SLC12A5: variants seen among roughly 807,000 people sequenced by gnomAD.
SLC12A5 encodes the protein solute carrier family 12 member 5, also known as K-Cl cotransporter 2.
In SLC12A5, 18 loss-of-function variants were observed where a neutral mutation model predicts 124.0. That is an observed-to-expected ratio of 0.15 (90% confidence interval 0.10 to 0.22). The LOEUF is 0.22. Among genes scored for constraint, SLC12A5 ranks in the 10% least tolerant of loss-of-function variants. SLC12A5 has a pLI of 1.00. For synonymous variants in SLC12A5, 589 were observed against 568.0 expected (o/e 1.04, Z -0.53); for missense variants, 867 against 1,478.7 (o/e 0.59, Z 6.78).
At chr20:46,029,917 CGT>C (rs34618340) in intron 1 of SLC12A5, among the ~76,000 whole-genome samples, 90,366 of 143,534 alleles carry the variant, frequency 0.63, 30,296 homozygotes, top group Non-Finnish European at 0.78. Context: ...TGTGTGTGTG[CGT>C]GTGTGTGTGT....
Position 46,056,492 on chromosome 20 carries a change from C to T in SLC12A5, c.3038C>T (p.Ser1013Leu), listed in dbSNP as rs1340688751. 1.2e-6 allele frequency: 2 copies of T among 1,614,114 alleles called. No homozygotes were observed. Among genetic ancestry groups the T allele is most frequent in the Admixed American group, 1.7e-5 (1 of 60,022 alleles). ...KVHLTWTKDK[S>L]VAEKNKGPSP... ...CATCTCACCTGGACCAAGGACAAGT[C>T]GGTGGCAGAGAAGAATAAGGGCCCC... is the stretch of plus-strand genomic sequence containing the variant. The change falls in exon 23 of 26, where the codon TCG becomes TTG. Residue 1013 changes from serine to leucine, a missense_variant. Coordinates refer to ENST00000243964, the MANE Select transcript of SLC12A5 (RefSeq NM_020708.5). This position sits in a 1 kb window ranked among gnomAD's most constrained non-coding sequence, Gnocchi z 4.3.
chr20:46,035,497 G>A lies in SLC12A5; in HGVS notation c.241G>A (p.Ala81Thr). 6.2e-7 allele frequency: 1 copy of A among 1,613,348 alleles called. No individual in the cohort carries two copies. Among genetic ancestry groups the A allele is most frequent in the Non-Finnish European group, 8.5e-7 (1 of 1,179,738 alleles). The change falls in exon 3 of 26, where the codon GCA becomes ACA. Residue 81 changes from alanine (A) to threonine (T), a missense_variant. Physicochemically the swap from Ala to Thr is moderately conservative, Grantham distance 58. Transcript: ENST00000243964. ...CCAGGGAAGTAGGGAGCATGAAGAG[G>A]CAGAAAACAATGAGGGTGGAAAAAA... ...LPQGSREHEE[A>T]ENNEGGKKKP...
At position 46,043,644 on chromosome 20, in the gene SLC12A5, G is replaced by A. The variant is rs2084568100; in HGVS notation, c.1249G>A (p.Gly417Ser). The change falls in exon 10 of 26, where the codon GGT becomes AGT. Residue 417 changes from glycine (G) to serine (S), a missense_variant. By Grantham distance (56) the Gly-to-Ser change is moderately conservative (BLOSUM62 0). Around this residue, in one of 9 missense-constraint regions of SLC12A5, gnomAD observed 152 missense variants for 358.7 expected, o/e 0.42. Transcript: ENST00000243964. ...YFPSVTGIMA[G>S]SNRSGDLRDA... is the part of the protein sequence containing the mutation. ...CTTCTGTTTTGCAGGGATCATGGCTGGTTCTAACCGCTCTGGGGACCTGAG... is the reference window on the plus strand; with the variant it reads ...CTTCTGTTTTGCAGGGATCATGGCTAGTTCTAACCGCTCTGGGGACCTGAG... 1 of 1,614,024 alleles carries A rather than the reference G, an allele frequency of 6.2e-7. No individual in the cohort carries two copies. Among genetic ancestry groups the A allele is most frequent in the African/African-American group, 1.3e-5 (1 of 74,908 alleles).
intron 20 of SLC12A5, 115 bp from the exon 21 acceptor site, chr20:46,054,801 C>T: frequency 1.4e-6 from 1 of 700,510 alleles, no homozygotes. Flanking sequence ...CCCTAGGCTG[C>T]CAGAAGGACG....
intron 7 of SLC12A5, chr20:46,041,086 G>A (rs1345659963): frequency 2.2e-6 from 1 of 449,712 alleles, no homozygotes; most frequent in African/African-American, 2.0e-5. Context: ...CGCTGTCCAC[G>A]GTGCTGAAAC....
intron 1 of SLC12A5, among the ~76,000 whole-genome samples, chr20:46,031,151 C>T (rs1411238824): frequency 1.3e-5 from 2 of 152,214 alleles, no homozygotes; most frequent in Non-Finnish European, 2.9e-5. Flanking sequence ...GCCAAGGTTT[C>T]ACCAGGCCTT....
At chr20:46,052,839 A>G (rs2084657512) in intron 18 of SLC12A5, 118 bp from the exon 19 acceptor site, 3 of 1,154,852 alleles carry the variant, frequency 2.6e-6, no homozygotes, top group East Asian at 5.2e-5. Context: ...GCCCATGGCC[A>G]AGGCCAGTTG....
rs2084610634 is a variant in SLC12A5, at chr20:46,047,924, T to A, written c.1908-57T>A. 7.3e-6 allele frequency: 11 copies of A among 1,500,820 alleles called. No homozygotes were observed. The South Asian group carries it at 9.8e-5, about 13-fold the overall frequency. 93.0% of individuals were successfully genotyped at this position (1,500,820 alleles called of 1,614,324 possible). On this transcript the variant is annotated intron_variant, in intron 15 of 25. Coordinates refer to ENST00000243964, the MANE Select transcript of SLC12A5 (RefSeq NM_020708.5). ...GGGGTAGCTGGTGCAGTGTAGATGG[T>A]TCTCCCTGCCCCCTCCTGGCTTTCT... is the stretch of plus-strand genomic sequence containing the variant.
Position 46,060,055 on chromosome 20 carries a change from G to C in SLC12A5, c.*2450G>C, listed in dbSNP as rs943034368. The C allele has an allele frequency of 6.2e-6, 1 of 160,332 alleles. No homozygotes were observed. Among genetic ancestry groups the C allele is most frequent in the African/African-American group, 2.4e-5 (1 of 41,792 alleles). 9.9% of individuals were successfully genotyped at this position (160,332 alleles called of 1,614,324 possible). ...AGGGTTGGTTCTTTCCTTTATTGTT[G>C]AATGCTCCCATTTAATGCTTTATGG... is the stretch of plus-strand genomic sequence containing the variant. On this transcript the variant is annotated 3_prime_UTR_variant, in exon 26 of 26. Transcript: ENST00000243964.
Position 46,043,214 on chromosome 20 carries a change from G to A in SLC12A5, c.1128G>A (p.Ser376=), listed in dbSNP as rs6073997. Residue 376 remains serine (S), a synonymous_variant, in exon 9 of 26, where the codon TCG becomes TCA. Coordinates refer to ENST00000243964, the MANE Select transcript of SLC12A5 (RefSeq NM_020708.5). ...GVIVERSGMT[S]VGLADGTPID... Reference sequence around the variant, plus strand: ...TTGTGGAGAGGAGTGGGATGACCTCGGTGGGCCTGGCCGATGGCACTCCTA... The same window carrying A: ...TTGTGGAGAGGAGTGGGATGACCTCAGTGGGCCTGGCCGATGGCACTCCTA... 6.9e-5 allele frequency: 111 copies of A among 1,613,816 alleles called. 1 individual carries two copies. Among genetic ancestry groups the A allele is most frequent in the South Asian group, 3.3e-4 (30 of 91,062 alleles).
At chr20:46,022,915 C>A in intron 1 of SLC12A5, 1 of 368,620 alleles carries the variant, frequency 2.7e-6, no homozygotes, top group East Asian at 3.7e-5. Flanking sequence ...AGGAACAAGG[C>A]GAATCGGCTT....
intron 9 of SLC12A5, 123 bp from the exon 10 acceptor site, chr20:46,043,510 C>A (rs1600597381): frequency 8.3e-7 from 1 of 1,209,160 alleles, no homozygotes; most frequent in Non-Finnish European, 1.2e-6. Flanking sequence ...CAAGGTCTCA[C>A]ACAAGCCAGT....
chr20:46,038,699 A>G (rs1210313386), intron 6 of SLC12A5, among the ~76,000 whole-genome samples: 1 of 152,244 alleles, frequency 6.6e-6, no homozygotes, highest in Non-Finnish European at 1.5e-5. Context: ...ACAAAAAATG[A>G]GATTACATGT....
chr20:46,057,729 C>T lies in SLC12A5; in HGVS notation c.*124C>T, dbSNP rs543856248. ...GTGCCCGTGTCCTGGCCCCTTACCC[C>T]GCTGCCTGAAGCCCGGAGGCCACGC... On this transcript the variant is annotated 3_prime_UTR_variant, in exon 26 of 26. Transcript: ENST00000243964. The surrounding 1 kb of genome is among the most constrained non-coding windows in gnomAD (Gnocchi z 7.1). 21 of 749,590 alleles carry T rather than the reference C, an allele frequency of 2.8e-5. No homozygotes were observed. In the East Asian group the frequency reaches 5.6e-4, roughly 20 times the overall value. 46.4% of individuals were successfully genotyped at this position (749,590 alleles called of 1,614,324 possible).
chr20:46,036,590 A>G, intron 4 of SLC12A5, 151 bp from the exon 5 acceptor site: 1 of 676,248 alleles, frequency 1.5e-6, no homozygotes, highest in Non-Finnish European at 2.5e-6. Context: ...AGGACTTGGC[A>G]GGAGTAGAAG....
rs561541103 is a variant in SLC12A5 at position 46,054,225 on chromosome 20, G to A, written c.2679+516G>A. 6.2e-4 allele frequency among the ~76,000 whole-genome samples: 94 copies of A among 152,042 alleles called. 1 individual carries two copies. The highest frequency in any genetic ancestry group is 2.2e-3 in the African/African-American group (91 of 41,524). On this transcript the variant is annotated intron_variant, in intron 20 of 25. Coordinates refer to ENST00000243964, the MANE Select transcript of SLC12A5 (RefSeq NM_020708.5). ...ACTGTAGGCAATGGCAACACAGTGG[G>A]AAGTATTTGTGTGTCTAAACATATC... is the stretch of plus-strand genomic sequence containing the variant.
rs886101182 is a variant in SLC12A5 at position 46,045,044 on chromosome 20, C to T, written c.1473C>T (p.Ser491=). The part of the protein sequence containing the change: ...WPSPWVIVIG[S]FFSTCGAGLQ... ...CTCCATGGGTAATTGTCATCGGATC[C>T]TTCTTCTCCACCTGTGGGGCTGGGC... The change falls in exon 12 of 26, where the codon TCC becomes TCT. Residue 491 remains serine, a synonymous_variant. Coordinates refer to ENST00000243964, the MANE Select transcript of SLC12A5 (RefSeq NM_020708.5). The surrounding 1 kb of genome is among the most constrained non-coding windows in gnomAD (Gnocchi z 4.9). 1 of 1,614,094 alleles carries T rather than the reference C, an allele frequency of 6.2e-7. No homozygotes were observed. The highest frequency in any genetic ancestry group is 8.5e-7 in the Non-Finnish European group (1 of 1,180,000).
At chr20:46,052,017 C>T (rs2145502397) in intron 18 of SLC12A5, 147 bp downstream of exon 18, 1 of 700,950 alleles carries the variant, frequency 1.4e-6, no homozygotes, top group Non-Finnish European at 2.2e-6. Flanking sequence ...TGACAGCAGT[C>T]AAGGCTGGCC....
chr20:46,021,853 G>A, exon 1 of SLC12A5: 1 of 1,532,084 alleles, frequency 6.5e-7, no homozygotes, highest in Non-Finnish European at 8.7e-7. Context: ...TTCGGTCGCA[G>A]ACCCCCGCCA....
Sources: allele counts gnomAD v4.1 joint callset (sites outside exome capture counted in the v4.1 genomes callset), GRCh38; gene constraint gnomAD v4.1.1; regional missense constraint gnomAD v4.1.1; non-coding constraint Gnocchi (gnomAD v3.1); transcripts MANE v1.5; gene names NCBI Gene and HGNC (gene_info 2026-07-23, HGNC 2026-07-21).